Variants in TENM3 observed in about 807,000 individuals in gnomAD.
TENM3 encodes teneurin transmembrane protein 3.
A neutral mutation model predicts 255.1 loss-of-function variants in TENM3; 63 were observed. The ratio of observed to expected loss-of-function variants is 0.25; its 90% CI spans 0.20 to 0.30. The LOEUF (loss-of-function observed/expected upper bound fraction) is 0.30. TENM3 is among the 10% of genes least tolerant of loss of function. The pLI is 1.00. For missense variants in TENM3, 2,929 were observed against 3,461.1 expected (o/e 0.85, Z 3.86); for synonymous variants, 1,306 against 1,322.3 (o/e 0.99, Z 0.27).
chr4:182,437,951 C>CAAATAAAT (rs200677040), intron 3 of TENM3, among the ~76,000 whole-genome samples: 1 of 151,816 alleles, frequency 6.6e-6, no homozygotes, highest in African/African-American at 2.4e-5. Context: ...GATCCTGTCT[C>CAAATAAAT]AAATAAATAA....
the TENM3 span, among the ~76,000 whole-genome samples, chr4:181,577,050 TAATA>T: frequency 2.4e-5 from 3 of 124,686 alleles, no homozygotes; most frequent in Non-Finnish European, 5.0e-5. Flanking sequence ...TATTATATAA[TAATA>T]AATTATATAT....
At chr4:181,923,445 A>T in the TENM3 span, among the ~76,000 whole-genome samples, 1 of 152,164 alleles carries the variant, frequency 6.6e-6, no homozygotes, top group African/African-American at 2.4e-5. Context: ...AGTTCAGTGG[A>T]TCATTCTGCA....
the TENM3 span, among the ~76,000 whole-genome samples, chr4:181,841,977 T>C: frequency 6.6e-6 from 1 of 152,184 alleles, no homozygotes; most frequent in African/African-American, 2.4e-5. Context: ...CTTATCATAT[T>C]CCATATCTAT....
chr4:182,562,639 A>G (rs1580946363), intron 3 of TENM3, among the ~76,000 whole-genome samples: 1 of 152,006 alleles, frequency 6.6e-6, no homozygotes, highest in Non-Finnish European at 1.5e-5. Context: ...CTGACTGAAC[A>G]CCCTGCACAG....
chr4:181,954,016 A>G, the TENM3 span, among the ~76,000 whole-genome samples: 1 of 152,188 alleles, frequency 6.6e-6, no homozygotes, highest in Admixed American at 6.5e-5. Context: ...GGCTTCTGTC[A>G]CTAGAAATTA....
chr4:182,140,783 A>C (rs1198878455), upstream of TENM3, among the ~76,000 whole-genome samples: 2 of 152,156 alleles, frequency 1.3e-5, no homozygotes, highest in African/African-American at 2.4e-5. Flanking sequence ...GACAGACCCC[A>C]AAGGGGAGAA....
intron 1 of TENM3, among the ~76,000 whole-genome samples, chr4:182,205,781 A>G (rs1754517990): frequency 6.6e-6 from 1 of 152,236 alleles, no homozygotes; most frequent in Admixed American, 6.5e-5. Context: ...TTATCTTGGA[A>G]GTTTGGGGAG....
Position 182,714,178 on chromosome 4 carries a change from A to C in TENM3, c.2313A>C (p.Ala771=). 6.2e-7 allele frequency: 1 copy of C among 1,613,966 alleles called. No individual in the cohort carries two copies. Among genetic ancestry groups the C allele is most frequent in the Non-Finnish European group, 8.5e-7 (1 of 1,179,854 alleles). The change falls in exon 13 of 28, where the codon GCA becomes GCC. Residue 771 remains alanine (A), a synonymous_variant. Transcript: ENST00000511685. ...TGTGCCAGCCTGGATGGAGAGGAGC[A>C]GGCTGTGACGTAGCCATGGAGACTC... The part of the protein sequence containing the change: ...HCVCQPGWRG[A]GCDVAMETLC...
the TENM3 span, among the ~76,000 whole-genome samples, chr4:181,561,648 T>C: frequency 6.6e-6 from 1 of 152,206 alleles, no homozygotes; most frequent in Non-Finnish European, 1.5e-5. Flanking sequence ...GATTTTTACA[T>C]TCTAGATATG....
At chr4:182,554,714 T>C (rs1742409993) in intron 3 of TENM3, among the ~76,000 whole-genome samples, 1 of 152,166 alleles carries the variant, frequency 6.6e-6, no homozygotes. Flanking sequence ...GTTCAAATGC[T>C]CATTTACTTA....
At chr4:181,836,640 T>C in the TENM3 span, among the ~76,000 whole-genome samples, 260 of 152,338 alleles carry the variant, frequency 1.7e-3, 2 homozygotes, top group African/African-American at 5.9e-3. Flanking sequence ...ATTTCATTAG[T>C]CAGCTTATGC....
the TENM3 span, among the ~76,000 whole-genome samples, chr4:181,473,730 G>A: frequency 2.2e-5 from 3 of 138,172 alleles, no homozygotes; most frequent in Non-Finnish European, 4.5e-5. Context: ...TAGCCATCTA[G>A]CCATTGACAA....
intron 3 of TENM3, among the ~76,000 whole-genome samples, chr4:182,554,275 A>G (rs960366092): frequency 6.6e-6 from 1 of 152,144 alleles, no homozygotes; most frequent in Non-Finnish European, 1.5e-5. Context: ...TTCTTCTAAT[A>G]GAGGAAAAAT....
At chr4:182,663,338 T>C (rs1754381218) in intron 6 of TENM3, among the ~76,000 whole-genome samples, 3 of 151,350 alleles carry the variant, frequency 2.0e-5, no homozygotes, top group Admixed American at 2.0e-4. Flanking sequence ...AAAAAACCTG[T>C]TTTCTTCTAT....
chr4:181,786,919 A>G, the TENM3 span, among the ~76,000 whole-genome samples: 8 of 152,262 alleles, frequency 5.3e-5, no homozygotes, highest in East Asian at 1.5e-3. Flanking sequence ...ACAAAAGCAC[A>G]CGGGGATAAC....
At chr4:181,941,566 G>C in the TENM3 span, among the ~76,000 whole-genome samples, 1 of 151,916 alleles carries the variant, frequency 6.6e-6, no homozygotes, top group Non-Finnish European at 1.5e-5. Flanking sequence ...TTGTTTTATC[G>C]CTTTAGTTAT....
intron 1 of TENM3, among the ~76,000 whole-genome samples, chr4:182,238,003 A>G (rs543052011): frequency 1.3e-5 from 2 of 152,326 alleles, no homozygotes; most frequent in South Asian, 4.1e-4. Flanking sequence ...CAACCAAAAT[A>G]TATAGGTTTC....
the TENM3 span, among the ~76,000 whole-genome samples, chr4:181,947,091 A>G: frequency 3.2e-3 from 485 of 152,300 alleles, 7 homozygotes; most frequent in Non-Finnish European, 6.0e-3. Context: ...GCCGCAGGAT[A>G]ATTATTTCTT....
At chr4:182,105,649 C>G in the TENM3 span, among the ~76,000 whole-genome samples, 3 of 152,212 alleles carry the variant, frequency 2.0e-5, no homozygotes, top group African/African-American at 7.2e-5. Context: ...ACATCAGTCT[C>G]CCAGTTTCCT....
Sources: allele counts gnomAD v4.1 joint callset (sites outside exome capture counted in the v4.1 genomes callset), GRCh38; gene constraint gnomAD v4.1.1; transcripts MANE v1.5; gene names NCBI Gene and HGNC (gene_info 2026-07-23, HGNC 2026-07-21).